Variants in FBXL5 observed in about 807,000 individuals in gnomAD.
FBXL5 encodes the protein F-box/LRR-repeat protein 5.
Under a neutral mutation model 78.3 loss-of-function variants are expected in FBXL5, and 26 were observed. The ratio of observed to expected loss-of-function variants is 0.33; its 90% CI spans 0.24 to 0.46. The LOEUF is 0.46. Ranked by LOEUF, FBXL5 falls within the 20% of genes least tolerant of loss-of-function variation. FBXL5 has a pLI of 1.00. For missense variants in FBXL5, 710 were observed against 829.2 expected (o/e 0.86, Z 1.77); for synonymous variants, 295 against 282.5 (o/e 1.04, Z -0.45).
At chr4:15,654,577 A>G (rs1282907370) in intron 1 of FBXL5, among the ~76,000 whole-genome samples, 1 of 152,254 alleles carries the variant, frequency 6.6e-6, no homozygotes, top group Non-Finnish European at 1.5e-5. Flanking sequence ...AAGGAAAACG[A>G]TAACGACACA....
upstream of FBXL5, among the ~76,000 whole-genome samples, chr4:15,658,810 C>A (rs1208182762): frequency 6.6e-6 from 1 of 152,198 alleles, no homozygotes; most frequent in Non-Finnish European, 1.5e-5. Context: ...CCACAGAGGG[C>A]TTTCTGGTAG....
intron 1 of FBXL5, among the ~76,000 whole-genome samples, chr4:15,651,593 G>A (rs1716057765): frequency 6.6e-6 from 1 of 152,062 alleles, no homozygotes; most frequent in South Asian, 2.1e-4. Context: ...GCGGAGGGGG[G>A]AAGGAAAACT....
chr4:15,618,051 T>C (rs1712093545), intron 9 of FBXL5, among the ~76,000 whole-genome samples: 1 of 151,974 alleles, frequency 6.6e-6, no homozygotes, highest in Non-Finnish European at 1.5e-5. Context: ...ACAATAAAGA[T>C]GAGAGCAAAA....
chr4:15,649,623 T>C (rs1715727377), intron 1 of FBXL5, among the ~76,000 whole-genome samples: 1 of 145,064 alleles, frequency 6.9e-6, no homozygotes, highest in Admixed American at 6.8e-5. Flanking sequence ...ATAAACAGAA[T>C]ATACACAATT....
At chr4:15,620,565 C>G (rs1469051309) in intron 9 of FBXL5, among the ~76,000 whole-genome samples, 1 of 152,262 alleles carries the variant, frequency 6.6e-6, no homozygotes, top group Admixed American at 6.5e-5. Context: ...AGTGTTGCCA[C>G]TTCTGTTTAA....
At chr4:15,647,240 A>AAAAG (rs1560236026) in intron 1 of FBXL5, among the ~76,000 whole-genome samples, 3 of 133,730 alleles carry the variant, frequency 2.2e-5, no homozygotes, top group African/African-American at 5.7e-5. Flanking sequence ...AAAAAAAAAA[A>AAAAG]AAAGAAAGAA....
chr4:15,606,470 C>T (rs1721894279), intron 10 of FBXL5, among the ~76,000 whole-genome samples: 1 of 152,054 alleles, frequency 6.6e-6, no homozygotes, highest in Non-Finnish European at 1.5e-5. Flanking sequence ...CCCAGTCACA[C>T]TATGCTACCC....
At chr4:15,635,966 CAAAT>C (rs1407075673) in intron 5 of FBXL5, among the ~76,000 whole-genome samples, 1 of 151,864 alleles carries the variant, frequency 6.6e-6, no homozygotes, top group Non-Finnish European at 1.5e-5. Flanking sequence ...CATTACCAAT[CAAAT>C]AAAGATAGGT....
At chr4:15,610,209 G>A (rs1722157329) in intron 10 of FBXL5, among the ~76,000 whole-genome samples, 1 of 151,976 alleles carries the variant, frequency 6.6e-6, no homozygotes, top group Admixed American at 6.6e-5. Flanking sequence ...TTGCAAAACT[G>A]GATACAACAC....
At chr4:15,634,586 C>T (rs1714049913) in intron 5 of FBXL5, among the ~76,000 whole-genome samples, 1 of 151,894 alleles carries the variant, frequency 6.6e-6, no homozygotes, top group African/African-American at 2.4e-5. Context: ...AGGCTGGTCT[C>T]AAACTCCTGA....
chr4:15,673,054 A>C (rs2148815663), intron 1 of FBXL5, among the ~76,000 whole-genome samples: 1 of 152,316 alleles, frequency 6.6e-6, no homozygotes, highest in South Asian at 2.1e-4. Context: ...ATCTATGATA[A>C]CAATGCCTTC....
Position 15,625,870 on chromosome 4 carries a change from A to G in FBXL5, c.1232T>C (p.Leu411Pro), listed in dbSNP as rs1291949080. 1 of 1,614,050 alleles carries G rather than the reference A, an allele frequency of 6.2e-7. No homozygotes were observed. The highest frequency in any genetic ancestry group is 8.5e-7 in the Non-Finnish European group (1 of 1,180,028). The part of the protein sequence containing the change: ...LEKISRALGI[L>P]TSHQSGFLKT... ...CAAAAAGCCACTTTGATGAGATGTC[A>G]GAATTCCAAGAGCTCTGGAAATCTT... Residue 411 changes from leucine (L) to proline (P), a missense_variant, in exon 9 of 11, where the codon CTG becomes CCG. Transcript: ENST00000341285.
intron 1 of FBXL5, among the ~76,000 whole-genome samples, chr4:15,646,437 A>C (rs1057484792): frequency 3.3e-5 from 5 of 151,780 alleles, no homozygotes; most frequent in Non-Finnish European, 4.4e-5. Context: ...AATCTCTGCA[A>C]ACACTATCAT....
intron 3 of FBXL5, among the ~76,000 whole-genome samples, chr4:15,639,086 C>T (rs1714570427): frequency 6.6e-6 from 1 of 152,220 alleles, no homozygotes; most frequent in Non-Finnish European, 1.5e-5. Context: ...ATCACTTGAA[C>T]CTGGGAGGCA....
intron 2 of FBXL5, 21 bp from the exon 3 acceptor site, chr4:15,640,904 A>T: frequency 7.8e-7 from 1 of 1,276,494 alleles, no homozygotes; most frequent in Non-Finnish European, 1.1e-6. Flanking sequence ...AAAAAAAAAT[A>T]CATTTTTATA....
upstream of FBXL5, among the ~76,000 whole-genome samples, chr4:15,663,315 T>C (rs921706031): frequency 6.6e-5 from 10 of 152,214 alleles, no homozygotes; most frequent in African/African-American, 2.4e-4. Flanking sequence ...TAGGTATCTT[T>C]ATTATTAGAC....
chr4:15,627,026 G>A (rs1713130921), intron 7 of FBXL5, 71 bp from the exon 8 acceptor site: 1 of 848,134 alleles, frequency 1.2e-6, no homozygotes, highest in African/African-American at 1.9e-5. Context: ...ATGACTATTA[G>A]TAAACATAAT....
chr4:15,652,359 C>T (rs1716182141), intron 1 of FBXL5, among the ~76,000 whole-genome samples: 1 of 152,160 alleles, frequency 6.6e-6, no homozygotes, highest in African/African-American at 2.4e-5. Flanking sequence ...CTACCACTAG[C>T]TGCTTATGTA....
chr4:15,675,585 T>C (rs139561535), intron 1 of FBXL5, among the ~76,000 whole-genome samples: 32,213 of 141,476 alleles, frequency 0.23, 3,389 homozygotes, highest in African/African-American at 0.27. Context: ...TTTTTTTTTT[T>C]TTTTTTTTTT....
Sources: allele counts gnomAD v4.1 joint callset (sites outside exome capture counted in the v4.1 genomes callset), GRCh38; gene constraint gnomAD v4.1.1; transcripts MANE v1.5; gene names NCBI Gene and HGNC (gene_info 2026-07-23, HGNC 2026-07-21).